Variants in COL27A1 observed in about 807,000 individuals in gnomAD.
COL27A1 encodes the protein collagen alpha-1(XXVII) chain.
COL27A1 carries 106 observed loss-of-function variants against 251.3 expected under a neutral mutation model. That is an observed-to-expected ratio of 0.42 (90% CI 0.36 to 0.50). The LOEUF (loss-of-function observed/expected upper bound fraction) is 0.50, where lower values mean the gene tolerates loss of function less well. Ranked by LOEUF, COL27A1 falls within the 20% of genes least tolerant of loss-of-function variation. The pLI, the probability that COL27A1 is intolerant of heterozygous loss-of-function variation, is 0.00. For synonymous variants in COL27A1, 1,000 were observed against 986.3 expected (o/e 1.01, Z -0.26); for missense variants, 2,325 against 2,522.8 (o/e 0.92, Z 1.68).
At chr9:114,171,898 TC>T (rs1265636023) in intron 3 of COL27A1, among the ~76,000 whole-genome samples, 1 of 152,150 alleles carries the variant, frequency 6.6e-6, no homozygotes, top group African/African-American at 2.4e-5. Flanking sequence ...CCACAGATGA[TC>T]CAAGAGGGGT....
intron 7 of COL27A1, among the ~76,000 whole-genome samples, chr9:114,201,459 C>T (rs1023521364): frequency 5.3e-5 from 8 of 152,250 alleles, no homozygotes; most frequent in Non-Finnish European, 8.8e-5. Context: ...CGCCTACCTC[C>T]CGCCTTGGCT....
At chr9:114,244,129 T>C (rs1205943097) in intron 23 of COL27A1, among the ~76,000 whole-genome samples, 1 of 152,012 alleles carries the variant, frequency 6.6e-6, no homozygotes, top group Non-Finnish European at 1.5e-5. Flanking sequence ...AGTTTCACCA[T>C]GTTGACTGGG....
chr9:114,253,021 A>C, intron 27 of COL27A1, 89 bp downstream of exon 27: 97 of 1,027,272 alleles, frequency 9.4e-5, no homozygotes, highest in Non-Finnish European at 1.2e-4. Flanking sequence ...CTGTAATCTC[A>C]GCACTTCGGG....
intron 25 of COL27A1, among the ~76,000 whole-genome samples, chr9:114,251,226 G>A (rs1483892587): frequency 2.6e-5 from 4 of 152,108 alleles, no homozygotes; most frequent in African/African-American, 9.7e-5. Flanking sequence ...CTTTGTATGG[G>A]TTTATCCGAT....
chr9:114,282,183 C>T, intron 37 of COL27A1, 94 bp from the exon 38 acceptor site: 1 of 1,159,984 alleles, frequency 8.6e-7, no homozygotes, highest in Non-Finnish European at 1.3e-6. Flanking sequence ...TGGCCATCTG[C>T]CTCCAGAGCC....
At chr9:114,307,636 A>G (rs1378823438) in intron 58 of COL27A1, 33 bp from the exon 59 acceptor site, 1 of 1,436,288 alleles carries the variant, frequency 7.0e-7, no homozygotes. Flanking sequence ...TCCCCCAGAT[A>G]CATACATCAC....
chr9:114,216,342 C>G (rs1024160612), intron 12 of COL27A1, among the ~76,000 whole-genome samples: 1 of 152,224 alleles, frequency 6.6e-6, no homozygotes, highest in Non-Finnish European at 1.5e-5. Context: ...GAGGAAGGTC[C>G]CTGCTGCTGG....
chr9:114,243,924 C>CTTTT lies in COL27A1; in HGVS notation c.2934+364_2934+365insTTTT, dbSNP rs1564515708. 2.8e-4 allele frequency among the ~76,000 whole-genome samples: 38 copies of CTTTT among 138,058 alleles called. 3 individuals carry two copies. Among genetic ancestry groups the CTTTT allele is most frequent in the African/African-American group, 3.9e-4 (14 of 35,976 alleles). 90.6% of individuals were successfully genotyped at this position (138,058 alleles called of 152,430 possible). ...TTGCACCGTTTCTGTTTTTTTCTTT[C>CTTTT]ATTTTTTTTTTTTTTTTTTTGAGAT... is the stretch of plus-strand genomic sequence containing the variant. On this transcript the variant is annotated intron_variant, in intron 23 of 60. Coordinates refer to ENST00000356083, the MANE Select transcript of COL27A1 (RefSeq NM_032888.4).
intron 14 of COL27A1, 92 bp downstream of exon 14, chr9:114,222,359 G>A (rs1185351256): frequency 3.9e-6 from 5 of 1,282,760 alleles, no homozygotes; most frequent in Non-Finnish European, 5.6e-6. Flanking sequence ...GCCCTGCAGG[G>A]GAGGTTGAAA....
chr9:114,251,924 C>G (rs569729063), intron 25 of COL27A1, among the ~76,000 whole-genome samples: 1 of 152,244 alleles, frequency 6.6e-6, no homozygotes, highest in Non-Finnish European at 1.5e-5. Flanking sequence ...TCCATGGGAG[C>G]AGGGCTGCTC....
At chr9:114,225,549 A>T (rs1254804133) in intron 14 of COL27A1, among the ~76,000 whole-genome samples, 1 of 152,224 alleles carries the variant, frequency 6.6e-6, no homozygotes, top group Non-Finnish European at 1.5e-5. Flanking sequence ...TTTTGGGAAC[A>T]GCAGCTTCTG....
chr9:114,266,604 G>A lies in COL27A1; in HGVS notation c.3433G>A (p.Glu1145Lys). The A allele has an allele frequency of 1.9e-6, 3 of 1,613,788 alleles. No homozygotes were observed. The Middle Eastern group carries it at 5.0e-4, about 266-fold the overall frequency. ...GPQGPIGPPG[E>K]MGPKGPPGAV... ...CCAGGGGCCAATTGGGCCTCCAGGA[G>A]AGATGGGACCCAAGGTGAGTGTGAG... is the stretch of plus-strand genomic sequence containing the variant. The change falls in exon 33 of 61, where the codon GAG (glutamate) becomes AAG (lysine). Residue 1145 changes from glutamate to lysine, a missense_variant. Around this residue, in one of 4 missense-constraint regions of COL27A1, gnomAD observed 662 missense variants for 795.3 expected, o/e 0.83. Coordinates refer to ENST00000356083, the MANE Select transcript of COL27A1 (RefSeq NM_032888.4).
intron 24 of COL27A1, among the ~76,000 whole-genome samples, chr9:114,247,388 G>A (rs980459116): frequency 6.6e-6 from 1 of 152,234 alleles, no homozygotes; most frequent in Admixed American, 6.5e-5. Flanking sequence ...ATTTCAATTA[G>A]AGGTTCATGA....
At chr9:114,275,824 T>A (rs1038476703) in intron 37 of COL27A1, 56 bp downstream of exon 37, 1 of 1,199,912 alleles carries the variant, frequency 8.3e-7, no homozygotes, top group Non-Finnish European at 1.2e-6. Context: ...TGAACTCTCA[T>A]GCCTGTGCAG....
Position 114,209,792 on chromosome 9 carries a change from G to T in COL27A1, c.2322+64G>T, listed in dbSNP as rs540446475. ...CCCCTGCCCAAACAGAGCAGAACCTGCCAGGCACCAGCCTGGGGAAGTCAA... is the reference window on the plus strand; with the variant it reads ...CCCCTGCCCAAACAGAGCAGAACCTTCCAGGCACCAGCCTGGGGAAGTCAA... On this transcript the variant is annotated intron_variant, in intron 11 of 60. Coordinates refer to ENST00000356083, the MANE Select transcript of COL27A1 (RefSeq NM_032888.4). 108 of 1,500,732 alleles carry T rather than the reference G, an allele frequency of 7.2e-5. No individual in the cohort carries two copies. In the East Asian group the frequency reaches 2.3e-3, roughly 31 times the overall value. 93.0% of individuals were successfully genotyped at this position (1,500,732 alleles called of 1,614,324 possible).
chr9:114,301,373 G>T, intron 53 of COL27A1, 54 bp downstream of exon 53: 6 of 1,611,172 alleles, frequency 3.7e-6, no homozygotes, highest in Non-Finnish European at 3.4e-6. Flanking sequence ...CGGGGGAGGG[G>T]TGGGCTCCCA....
chr9:114,290,351 A>T lies in COL27A1; in HGVS notation c.4368+20A>T. 1 of 1,548,486 alleles carries T rather than the reference A, an allele frequency of 6.5e-7. No homozygotes were observed. The highest frequency in any genetic ancestry group is 1.2e-5 in the South Asian group (1 of 84,626). On this transcript the variant is annotated intron_variant, in intron 47 of 60. Coordinates refer to ENST00000356083, the MANE Select transcript of COL27A1 (RefSeq NM_032888.4). The surrounding 1 kb of genome is among the most constrained non-coding windows in gnomAD (Gnocchi z 4.6). ...CAGCAGGTGAGCGGGAATTGGCATT[A>T]ACAGATGGTGGCTCCATTTGGGACC...
Position 114,243,508 on chromosome 9 carries a change from G to A in COL27A1, c.2882G>A (p.Gly961Asp). Residue 961 changes from glycine to aspartate, a missense_variant and splice_region_variant, in exon 23 of 61, where the codon GGT becomes GAT. By Grantham distance (94) the Gly-to-Asp change is moderately conservative. Coordinates refer to ENST00000356083, the MANE Select transcript of COL27A1 (RefSeq NM_032888.4). Reference protein sequence around the residue: ...MGPPGAPGLEGQPGRKGFPGR... With the variant: ...MGPPGAPGLEDQPGRKGFPGR... ...CACTTACCTGTCTCTCTGTTGCAGG[G>A]TCAGCCTGGCAGGAAGGGGTTTCCT... The A allele has an allele frequency of 6.2e-7, 1 of 1,614,016 alleles. No individual in the cohort carries two copies. The highest frequency in any genetic ancestry group is 8.5e-7 in the Non-Finnish European group (1 of 1,179,950).
chr9:114,242,207 G>A lies in COL27A1; in HGVS notation c.2856G>A (p.Gly952=), dbSNP rs140149941. The A allele has an allele frequency of 4.5e-5, 73 of 1,608,544 alleles. No homozygotes were observed. The African/African-American group carries it at 8.7e-4, about 19-fold the overall frequency. ...TCTAGGGAGATGAGGGACCCATGGG[G>A]CCGCCAGGGGCCCCTGGCTTGGAGG... ...LGPEGDEGPM[G]PPGAPGLEGQ... is the part of the protein sequence containing the mutation. Residue 952 remains glycine, a synonymous_variant, in exon 22 of 61, where the codon GGG becomes GGA. Coordinates refer to ENST00000356083, the MANE Select transcript of COL27A1 (RefSeq NM_032888.4).
Sources: gnomAD v4.1 joint callset for allele counts (sites outside exome capture counted in the v4.1 genomes callset) on GRCh38, gnomAD v4.1.1 for gene constraint, gnomAD v4.1.1 regional missense constraint, Gnocchi (gnomAD v3.1) non-coding constraint, MANE v1.5 for transcripts, NCBI Gene and HGNC (gene_info 2026-07-23, HGNC 2026-07-21) for gene names.